Variants in NTM observed in about 807,000 individuals in gnomAD.
The protein encoded by NTM is IgLON family member 2.
A neutral mutation model predicts 42.1 loss-of-function variants in NTM; 13 were observed. That is an observed-to-expected ratio of 0.31 (90% confidence interval 0.20 to 0.49). The LOEUF is 0.49. NTM is among the 20% of genes least tolerant of loss of function. The probability of loss-of-function intolerance (pLI) is 0.99; values close to 1 mark genes in which losing one functional copy is unlikely to be tolerated. For synonymous variants in NTM, 187 were observed against 179.2 expected, an observed-to-expected ratio of 1.04 and a Z score of -0.35; for missense variants, 373 against 452.8, an observed-to-expected ratio of 0.82 and a Z score of 1.60.
chr11:132,306,166 T>C (rs1437288335), intron 4 of NTM: 2 of 152,218 alleles, frequency 1.3e-5, no homozygotes, highest in East Asian at 1.9e-4. Flanking sequence ...ATGGTCTTGT[T>C]GTTGTTGCTG....
rs867245478 is a variant in NTM, at chr11:132,263,285, G to T, written c.527-44404G>T. 3.1e-4 allele frequency among the ~76,000 whole-genome samples: 47 copies of T among 152,192 alleles called. 1 individual carries two copies. Among genetic ancestry groups the T allele is most frequent in the Non-Finnish European group, 1.3e-4 (9 of 68,036 alleles). ...GACCTCATATGAAACTTAGGAGGCT[G>T]CCCTGGTGATCTCTGAATCACTTTT... On this transcript the variant is annotated intron_variant, in intron 4 of 8. Transcript: ENST00000683400.
chr11:131,541,172 C>A (rs2053187319), intron 1 of NTM, among the ~76,000 whole-genome samples: 1 of 152,174 alleles, frequency 6.6e-6, no homozygotes, highest in Non-Finnish European at 1.5e-5. Flanking sequence ...TGGCAGGCTG[C>A]CTCCCCGTCC....
At chr11:131,657,380 G>A (rs528972235) in intron 1 of NTM, among the ~76,000 whole-genome samples, 154 of 152,304 alleles carry the variant, frequency 1.0e-3, no homozygotes, top group Non-Finnish European at 1.4e-3. Flanking sequence ...TTTCCCTGGC[G>A]TGGAAGAATA....
chr11:132,177,504 G>A (rs2076992704), intron 3 of NTM, among the ~76,000 whole-genome samples: 3 of 152,164 alleles, frequency 2.0e-5, no homozygotes, highest in Non-Finnish European at 2.9e-5. Flanking sequence ...ACTTTATAAT[G>A]CATTATTATT....
At chr11:131,769,346 G>T (rs527501003) in intron 1 of NTM, among the ~76,000 whole-genome samples, 1 of 152,136 alleles carries the variant, frequency 6.6e-6, no homozygotes, top group East Asian at 1.9e-4. Context: ...TTCAATTAGG[G>T]AGAAAAGCAC....
chr11:131,869,803 T>C (rs778366107), intron 1 of NTM, among the ~76,000 whole-genome samples: 12 of 152,186 alleles, frequency 7.9e-5, no homozygotes, highest in Non-Finnish European at 1.8e-4. Context: ...AAGCAAATCT[T>C]AAGGTTAGAG....
chr11:131,752,686 A>G (rs942336411), intron 1 of NTM, among the ~76,000 whole-genome samples: 1 of 152,192 alleles, frequency 6.6e-6, no homozygotes, highest in Non-Finnish European at 1.5e-5. Flanking sequence ...TGGCACATAC[A>G]TATGTAGAAA....
Position 131,434,973 on chromosome 11 carries a change from G to A in NTM, c.82+64085G>A, listed in dbSNP as rs535231177. ...TCTTGAATTTATTTTTGTCTAAGGC[G>A]TAAGGAAGGGATCCAGTTTCAGCTT... On this transcript the variant is annotated intron_variant, in intron 1 of 8. Transcript: ENST00000683400. Among the ~76,000 whole-genome samples, 25 of 152,252 alleles carry A rather than the reference G, an allele frequency of 1.6e-4. No individual in the cohort carries two copies. The South Asian group carries it at 2.3e-3, about 14-fold the overall frequency.
At chr11:131,709,794 G>C (rs1006667061) in intron 1 of NTM, among the ~76,000 whole-genome samples, 2 of 152,166 alleles carry the variant, frequency 1.3e-5, no homozygotes, top group African/African-American at 2.4e-5. Flanking sequence ...AGATACAAAA[G>C]AGAGTTCGCC....
chr11:131,970,834 T>C (rs1038335780), intron 2 of NTM, among the ~76,000 whole-genome samples: 1 of 152,188 alleles, frequency 6.6e-6, no homozygotes, highest in African/African-American at 2.4e-5. Flanking sequence ...ATCTTATTTT[T>C]CCCCTCATCT....
intron 2 of NTM, among the ~76,000 whole-genome samples, chr11:132,109,117 G>T (rs576444827): frequency 6.6e-6 from 1 of 152,306 alleles, no homozygotes; most frequent in African/African-American, 2.4e-5. Flanking sequence ...ATGGGTATTT[G>T]GGTTAGTTCC....
At chr11:131,565,431 C>G (rs1468985425) in intron 1 of NTM, among the ~76,000 whole-genome samples, 1 of 152,194 alleles carries the variant, frequency 6.6e-6, no homozygotes, top group Non-Finnish European at 1.5e-5. Context: ...TGCTGCCTCC[C>G]AGGCGGTGAG....
chr11:132,115,184 C>T (rs1475441818), intron 2 of NTM, among the ~76,000 whole-genome samples: 1 of 152,040 alleles, frequency 6.6e-6, no homozygotes. Flanking sequence ...TGAACGGGTA[C>T]AAAGTTTCAG....
At chr11:132,122,429 C>A (rs905027818) in intron 2 of NTM, among the ~76,000 whole-genome samples, 7 of 152,134 alleles carry the variant, frequency 4.6e-5, no homozygotes, top group Non-Finnish European at 8.8e-5. Flanking sequence ...AAAGTCAAAT[C>A]CAGGAGGTTT....
chr11:132,115,079 T>C (rs1288901125), intron 2 of NTM, among the ~76,000 whole-genome samples: 3 of 152,228 alleles, frequency 2.0e-5, no homozygotes, highest in African/African-American at 4.8e-5. Flanking sequence ...ATGATCTCAC[T>C]TATATGTTGA....
intron 1 of NTM, among the ~76,000 whole-genome samples, chr11:131,400,269 G>A (rs1944991147): frequency 6.6e-6 from 1 of 152,106 alleles, no homozygotes; most frequent in Admixed American, 6.5e-5. Flanking sequence ...CGAAGCAATT[G>A]CAGCTCAGTG....
chr11:132,271,958 A>G (rs2093499876), intron 4 of NTM, among the ~76,000 whole-genome samples: 1 of 152,122 alleles, frequency 6.6e-6, no homozygotes, highest in Non-Finnish European at 1.5e-5. Context: ...TCATTTCCAT[A>G]GGAAACCATT....
intron 2 of NTM, among the ~76,000 whole-genome samples, chr11:131,949,190 A>G (rs1249643669): frequency 1.3e-5 from 2 of 152,208 alleles, no homozygotes; most frequent in African/African-American, 2.4e-5. Flanking sequence ...TTGTGTGTAT[A>G]TTGCATACTG....
At chr11:132,137,883 G>A (rs762937260) in intron 2 of NTM, among the ~76,000 whole-genome samples, 26 of 152,154 alleles carry the variant, frequency 1.7e-4, no homozygotes, top group Non-Finnish European at 2.1e-4. Context: ...ACTGGGTGGT[G>A]GACTTGCGGA....
Sources: gnomAD v4.1 joint callset for allele counts (sites outside exome capture counted in the v4.1 genomes callset) on GRCh38, gnomAD v4.1.1 for gene constraint, MANE v1.5 for transcripts, NCBI Gene and HGNC (gene_info 2026-07-23, HGNC 2026-07-21) for gene names.